CREB3L2: variants seen among roughly 807,000 people sequenced by gnomAD.
The protein encoded by CREB3L2 is cAMP responsive element binding protein 3 like 2, also known as cyclic AMP-responsive element-binding protein 3-like protein 2.
Under a neutral mutation model 57.2 loss-of-function variants are expected in CREB3L2, and 23 were observed. The ratio of observed to expected loss-of-function variants is 0.40; its 90% CI spans 0.29 to 0.57. CREB3L2 has a LOEUF of 0.57. Among genes scored for constraint, CREB3L2 ranks in the 20% least tolerant of loss-of-function variants. The pLI, the probability that CREB3L2 is intolerant of heterozygous loss-of-function variation, is 0.42. For missense variants in CREB3L2, 628 were observed against 634.7 expected, an observed-to-expected ratio of 0.99 and a Z score of 0.11; for synonymous variants, 268 against 265.1, an observed-to-expected ratio of 1.01 and a Z score of -0.11.
intron 1 of CREB3L2, among the ~76,000 whole-genome samples, chr7:137,982,950 T>A (rs1801735706): frequency 1.3e-5 from 2 of 152,130 alleles, no homozygotes; most frequent in African/African-American, 4.8e-5. Flanking sequence ...AAGATGGCCA[T>A]CTGCAAGCCA....
chr7:137,927,787 G>GA (rs61623523), intron 2 of CREB3L2, among the ~76,000 whole-genome samples: 10,068 of 141,468 alleles, frequency 0.071, 1,053 homozygotes, highest in African/African-American at 0.23. Context: ...TTCTTTCTCA[G>GA]AAAAAAAAAA....
intron 1 of CREB3L2, among the ~76,000 whole-genome samples, chr7:137,949,620 T>C (rs900291763): frequency 3.3e-5 from 5 of 152,182 alleles, no homozygotes; most frequent in Admixed American, 6.5e-5. Flanking sequence ...TATGACTTTA[T>C]TCAACAGCTA....
At chr7:137,904,838 G>GAA (rs58779744) in intron 6 of CREB3L2, among the ~76,000 whole-genome samples, 49 of 136,892 alleles carry the variant, frequency 3.6e-4, no homozygotes, top group Middle Eastern at 3.7e-3. Flanking sequence ...GACTCTGTAT[G>GAA]AAAAAAAAAA....
rs185481434 is a variant in CREB3L2, at chr7:137,875,020, T to C, written c.*5456A>G. 5.4e-6 allele frequency: 1 copy of C among 183,856 alleles called. No homozygotes were observed. Among genetic ancestry groups the C allele is most frequent in the East Asian group, 8.9e-5 (1 of 11,282 alleles). 11.4% of individuals were successfully genotyped at this position (183,856 alleles called of 1,614,324 possible). Reference sequence around the variant, plus strand: ...AATATTTATTTGCAAGAAATGGAAATACAAAAGCATAACAATTTCAATTTA... The same window carrying C: ...AATATTTATTTGCAAGAAATGGAAACACAAAAGCATAACAATTTCAATTTA... On this transcript the variant is annotated 3_prime_UTR_variant, in exon 12 of 12. Transcript: ENST00000330387.
intron 2 of CREB3L2, among the ~76,000 whole-genome samples, chr7:137,917,404 T>C (rs917232093): frequency 3.3e-5 from 5 of 152,224 alleles, no homozygotes; most frequent in Non-Finnish European, 7.3e-5. Context: ...GCAACGTTCC[T>C]TAGCTGATAC....
intron 8 of CREB3L2, among the ~76,000 whole-genome samples, chr7:137,897,706 T>C (rs1370714455): frequency 6.6e-6 from 1 of 152,158 alleles, no homozygotes; most frequent in Admixed American, 6.5e-5. Context: ...CCTGTAGAAA[T>C]GTATGAGAAT....
At chr7:137,966,225 G>A (rs545793290) in intron 1 of CREB3L2, among the ~76,000 whole-genome samples, 1 of 152,292 alleles carries the variant, frequency 6.6e-6, no homozygotes, top group East Asian at 1.9e-4. Flanking sequence ...AGGGCTAGTT[G>A]CATCTTCTTA....
intron 2 of CREB3L2, among the ~76,000 whole-genome samples, chr7:137,924,650 T>C (rs1009939067): frequency 5.9e-5 from 9 of 152,226 alleles, no homozygotes; most frequent in African/African-American, 2.2e-4. Flanking sequence ...TCTTCCTTTT[T>C]TTTTGGTGTT....
chr7:137,950,536 C>T (rs1394978120), intron 1 of CREB3L2, among the ~76,000 whole-genome samples: 4 of 152,110 alleles, frequency 2.6e-5, no homozygotes, highest in Admixed American at 1.3e-4. Context: ...TGAGCTACTC[C>T]GTAGTAGTGC....
chr7:137,931,129 G>A (rs1171508970), intron 1 of CREB3L2, among the ~76,000 whole-genome samples: 3 of 151,742 alleles, frequency 2.0e-5, no homozygotes, highest in African/African-American at 4.8e-5. Context: ...CTACTCAGGA[G>A]GGTGAGGAAG....
intron 4 of CREB3L2, among the ~76,000 whole-genome samples, chr7:137,910,492 T>A (rs1156628236): frequency 1.3e-5 from 2 of 151,916 alleles, no homozygotes; most frequent in East Asian, 3.9e-4. Context: ...TGGCTAAGAG[T>A]GAGGAGTCCT....
intron 1 of CREB3L2, among the ~76,000 whole-genome samples, chr7:137,938,494 C>T (rs962146874): frequency 7.2e-5 from 11 of 151,844 alleles, no homozygotes; most frequent in African/African-American, 1.5e-4. Flanking sequence ...TACAGGTTCC[C>T]GCCACCACGC....
intron 8 of CREB3L2, among the ~76,000 whole-genome samples, chr7:137,889,433 G>T (rs1003412033): frequency 6.6e-6 from 1 of 152,144 alleles, no homozygotes; most frequent in Non-Finnish European, 1.5e-5. Flanking sequence ...AACTCAAGAT[G>T]ACTATATTCT....
intron 5 of CREB3L2, among the ~76,000 whole-genome samples, chr7:137,907,230 T>TAAAG (rs1198437964): frequency 6.6e-6 from 1 of 151,944 alleles, no homozygotes; most frequent in Non-Finnish European, 1.5e-5. Context: ...TGATAATGAG[T>TAAAG]AAAGGTGTCA....
chr7:137,882,425 G>C lies in CREB3L2; in HGVS notation c.1474C>G (p.Leu492Val). The C allele has an allele frequency of 1.2e-6, 2 of 1,613,112 alleles. No homozygotes were observed. The highest frequency in any genetic ancestry group is 1.7e-6 in the Non-Finnish European group (2 of 1,179,210). ...TSLEKSVLLE[L>V]QQHLVSAKLE... Reference sequence around the variant, plus strand: ...TCTATGACTCACAGGTGCTGCTGCAGCTCCAAAAGCACTGACTTCTCCAGG... The same window carrying C: ...TCTATGACTCACAGGTGCTGCTGCACCTCCAAAAGCACTGACTTCTCCAGG... The change falls in exon 11 of 12, where the codon CTG (leucine) becomes GTG (valine). Residue 492 changes from leucine to valine, a missense_variant. Physicochemically the swap from Leu to Val is conservative, Grantham distance 32. Around this residue, in one of 3 missense-constraint regions of CREB3L2, gnomAD observed 272 missense variants for 242.7 expected, o/e 1.12. Coordinates refer to ENST00000330387, the MANE Select transcript of CREB3L2 (RefSeq NM_194071.4).
intron 8 of CREB3L2, among the ~76,000 whole-genome samples, chr7:137,898,511 T>A (rs1246947182): frequency 1.3e-5 from 2 of 152,222 alleles, no homozygotes; most frequent in Non-Finnish European, 2.9e-5. Flanking sequence ...TGCTAATAAC[T>A]GGAGGAGAAA....
At chr7:137,965,769 T>C (rs777623839) in intron 1 of CREB3L2, among the ~76,000 whole-genome samples, 1 of 152,192 alleles carries the variant, frequency 6.6e-6, no homozygotes, top group Admixed American at 6.5e-5. Flanking sequence ...CTTAAAACTA[T>C]GGGATTCTAT....
At chr7:137,915,145 C>G (rs1013396923) in intron 3 of CREB3L2, among the ~76,000 whole-genome samples, 2 of 151,970 alleles carry the variant, frequency 1.3e-5, no homozygotes, top group Non-Finnish European at 2.9e-5. Context: ...CCAACACTTG[C>G]AAGAAGATGT....
intron 1 of CREB3L2, among the ~76,000 whole-genome samples, chr7:137,966,808 A>G (rs1801415886): frequency 6.6e-6 from 1 of 152,168 alleles, no homozygotes; most frequent in Non-Finnish European, 1.5e-5. Context: ...CAGGAGCCGC[A>G]TACTCCTCAA....
Sources: gnomAD v4.1 joint callset for allele counts (sites outside exome capture counted in the v4.1 genomes callset) on GRCh38, gnomAD v4.1.1 for gene constraint, gnomAD v4.1.1 regional missense constraint, MANE v1.5 for transcripts, NCBI Gene and HGNC (gene_info 2026-07-23, HGNC 2026-07-21) for gene names.